The following KCNIP4 variants were observed in gnomAD, a reference collection of about 807,000 sequenced individuals.
The protein encoded by KCNIP4 is potassium voltage-gated channel interacting protein 4.
A neutral mutation model predicts 34.0 loss-of-function variants in KCNIP4; 12 were observed. The ratio of observed to expected loss-of-function variants is 0.35; its 90% CI spans 0.23 to 0.57. The LOEUF (loss-of-function observed/expected upper bound fraction) is 0.57. Among genes scored for constraint, KCNIP4 ranks in the 20% least tolerant of loss-of-function variants. The pLI is 0.83. For missense variants in KCNIP4, 238 were observed against 311.7 expected, an observed-to-expected ratio of 0.76 and a Z score of 1.78; for synonymous variants, 124 against 102.2, an observed-to-expected ratio of 1.21 and a Z score of -1.29.
chr4:21,246,392 G>C (rs1186762305), intron 1 of KCNIP4, among the ~76,000 whole-genome samples: 1 of 152,158 alleles, frequency 6.6e-6, no homozygotes, highest in Non-Finnish European at 1.5e-5. Context: ...ACACTTCGAA[G>C]CTTAAGCTGA....
intron 1 of KCNIP4, among the ~76,000 whole-genome samples, chr4:21,058,278 AG>A (rs11362301): frequency 0.022 from 3,293 of 152,270 alleles, 127 homozygotes; most frequent in African/African-American, 0.075. Flanking sequence ...TAATAGAAAA[AG>A]AAGAGATGCA....
intron 1 of KCNIP4, among the ~76,000 whole-genome samples, chr4:21,625,754 G>A (rs1257979169): frequency 6.6e-6 from 1 of 152,154 alleles, no homozygotes; most frequent in Non-Finnish European, 1.5e-5. Context: ...ATGACTAAAT[G>A]CTAGAGGAAA....
chr4:21,266,249 G>A (rs6839994), intron 1 of KCNIP4, among the ~76,000 whole-genome samples: 27,732 of 151,988 alleles, frequency 0.18, 3,288 homozygotes, highest in African/African-American at 0.32. Context: ...TTTACGAAGC[G>A]TACAATGGAG....
intron 1 of KCNIP4, among the ~76,000 whole-genome samples, chr4:21,257,189 C>G (rs1761116192): frequency 6.6e-6 from 1 of 152,120 alleles, no homozygotes; most frequent in African/African-American, 2.4e-5. Context: ...AAAAAAGGCA[C>G]AAGTTTGTGA....
chr4:21,473,324 C>T (rs531268306), intron 1 of KCNIP4, among the ~76,000 whole-genome samples: 9 of 152,252 alleles, frequency 5.9e-5, no homozygotes, highest in South Asian at 4.1e-4. Flanking sequence ...AATTCTCTAT[C>T]GGGAACTGGG....
At chr4:21,908,621 T>C (rs7440879) in intron 1 of KCNIP4, among the ~76,000 whole-genome samples, 149,307 of 152,278 alleles carry the variant, frequency 0.98, 73,274 homozygotes, top group East Asian at 1. Flanking sequence ...ATCTGGAATA[T>C]AACGGACTGA....
chr4:21,735,753 T>C (rs1715949068), intron 1 of KCNIP4, among the ~76,000 whole-genome samples: 1 of 152,184 alleles, frequency 6.6e-6, no homozygotes, highest in South Asian at 2.1e-4. Flanking sequence ...AAGCAAAATC[T>C]GTCACGCGAA....
intron 1 of KCNIP4, among the ~76,000 whole-genome samples, chr4:21,234,960 C>A (rs749381648): frequency 2.6e-5 from 4 of 151,820 alleles, no homozygotes; most frequent in Non-Finnish European, 5.9e-5. Context: ...ATTTTTTTAA[C>A]GTATAAAATA....
chr4:20,952,939 G>A (rs1732928203), intron 1 of KCNIP4, among the ~76,000 whole-genome samples: 1 of 152,206 alleles, frequency 6.6e-6, no homozygotes, highest in South Asian at 2.1e-4. Context: ...TCCCATGGTG[G>A]AGTGGCTGAA....
rs571723959 is a variant in KCNIP4 at position 20,968,342 on chromosome 4, G to A, written c.62-85633C>T. On this transcript the variant is annotated intron_variant, in intron 1 of 8. Coordinates refer to ENST00000382152, the MANE Select transcript of KCNIP4 (RefSeq NM_025221.6). ...ACACTGTTGGTGGGAGTGTAAATTAGCTCAACCATTGTGGAAGACAATGTG... is the reference window on the plus strand; with the variant it reads ...ACACTGTTGGTGGGAGTGTAAATTAACTCAACCATTGTGGAAGACAATGTG... 3.0e-4 allele frequency among the ~76,000 whole-genome samples: 46 copies of A among 152,268 alleles called. No individual in the cohort carries two copies. In the East Asian group the frequency reaches 7.9e-3, roughly 26 times the overall value.
chr4:21,821,956 T>C (rs1010999213), intron 1 of KCNIP4, among the ~76,000 whole-genome samples: 3 of 152,146 alleles, frequency 2.0e-5, no homozygotes, highest in Non-Finnish European at 4.4e-5. Flanking sequence ...AGGAGAAGCA[T>C]GTTTGACAAA....
chr4:20,996,388 T>C (rs955973412), intron 1 of KCNIP4, among the ~76,000 whole-genome samples: 1 of 152,214 alleles, frequency 6.6e-6, no homozygotes, highest in Non-Finnish European at 1.5e-5. Context: ...CTCGCTGTGT[T>C]TTGAGTCCTC....
At chr4:21,251,527 G>A (rs142820054) in intron 1 of KCNIP4, among the ~76,000 whole-genome samples, 21 of 151,880 alleles carry the variant, frequency 1.4e-4, no homozygotes, top group East Asian at 1.2e-3. Context: ...AATTTTGCCC[G>A]GGGTAAAAAA....
chr4:20,944,358 A>G (rs79280232), intron 1 of KCNIP4, among the ~76,000 whole-genome samples: 2,016 of 152,296 alleles, frequency 0.013, 51 homozygotes, highest in African/African-American at 0.046. Flanking sequence ...TTGCATTTCC[A>G]TAGACCAAAG....
intron 1 of KCNIP4, among the ~76,000 whole-genome samples, chr4:21,553,262 C>A (rs1045972371): frequency 6.6e-6 from 1 of 152,110 alleles, no homozygotes; most frequent in East Asian, 1.9e-4. Flanking sequence ...TTCAAACTGC[C>A]ATTCACTTCT....
chr4:20,758,698 T>C (rs1038559315), intron 4 of KCNIP4, 123 bp downstream of exon 4: 12 of 738,288 alleles, frequency 1.6e-5, no homozygotes, highest in Admixed American at 2.3e-5. Flanking sequence ...ACTTGCATGC[T>C]GTGCATTAAT....
At chr4:21,426,906 T>A (rs1577343175) in intron 1 of KCNIP4, among the ~76,000 whole-genome samples, 1 of 151,146 alleles carries the variant, frequency 6.6e-6, no homozygotes, top group African/African-American at 2.4e-5. Flanking sequence ...TTTTAACTTT[T>A]TTTTTTTTTT....
At chr4:21,757,223 GAAA>G (rs1717682129) in intron 1 of KCNIP4, among the ~76,000 whole-genome samples, 2 of 22,414 alleles carry the variant, frequency 8.9e-5, no homozygotes, top group African/African-American at 6.7e-4. Context: ...AAGAAAGAAA[GAAA>G]GAAAGAAAGA....
At chr4:21,352,590 G>A (rs1474719545) in intron 1 of KCNIP4, among the ~76,000 whole-genome samples, 2 of 152,250 alleles carry the variant, frequency 1.3e-5, no homozygotes, top group African/African-American at 4.8e-5. Context: ...GTTCACCATT[G>A]CTGAGGCTTG....
Sources: gnomAD v4.1 joint callset for allele counts (sites outside exome capture counted in the v4.1 genomes callset) on GRCh38, gnomAD v4.1.1 for gene constraint, MANE v1.5 for transcripts, NCBI Gene and HGNC (gene_info 2026-07-23, HGNC 2026-07-21) for gene names.